Variants in COLEC11 observed in about 807,000 individuals in gnomAD.
The protein encoded by COLEC11 is collectin-11.
COLEC11 carries 20 observed loss-of-function variants against 27.3 expected under a neutral mutation model. That is an observed-to-expected ratio of 0.73 (90% CI 0.51 to 1.06). The LOEUF (loss-of-function observed/expected upper bound fraction) is 1.06. Among genes scored for constraint, COLEC11 ranks in the 50% least tolerant of loss-of-function variants. The pLI, the probability that COLEC11 is intolerant of heterozygous loss-of-function variation, is 0.00. For missense variants in COLEC11, 310 were observed against 383.0 expected (o/e 0.81, Z 1.59); for synonymous variants, 163 against 154.7 (o/e 1.05, Z -0.40).
intron 1 of COLEC11, among the ~76,000 whole-genome samples, chr2:3,603,166 T>C (rs1662362127): frequency 2.0e-5 from 3 of 152,180 alleles, no homozygotes; most frequent in Non-Finnish European, 4.4e-5. Context: ...CACGGCTCTT[T>C]ATCAGCTGTG....
At chr2:3,600,371 A>G (rs936207318) in intron 1 of COLEC11, among the ~76,000 whole-genome samples, 12 of 152,232 alleles carry the variant, frequency 7.9e-5, no homozygotes, top group African/African-American at 2.2e-4. Context: ...CCTGGGCAAC[A>G]TGGTGAGAAC....
chr2:3,601,222 C>T (rs1019670710), intron 1 of COLEC11, among the ~76,000 whole-genome samples: 31 of 152,304 alleles, frequency 2.0e-4, no homozygotes, highest in Admixed American at 1.6e-3. Flanking sequence ...GGGTGGTGTG[C>T]GGACCATGTA....
chr2:3,643,501 T>C lies in COLEC11; in HGVS notation c.386T>C (p.Val129Ala). ...GCCATCGGGGAGATGGACAACCAGGTCTCTCAGCTGACCAGCGAGCTCAAG... is the reference window on the plus strand; with the variant it reads ...GCCATCGGGGAGATGGACAACCAGGCCTCTCAGCTGACCAGCGAGCTCAAG... ...RKAIGEMDNQ[V>A]SQLTSELKFI... Residue 129 changes from valine to alanine, a missense_variant, in exon 6 of 7, where the codon GTC becomes GCC. Physicochemically the swap from Val to Ala is moderately conservative, Grantham distance 64. Transcript: ENST00000349077. 6.2e-7 allele frequency: 1 copy of C among 1,613,706 alleles called. No individual in the cohort carries two copies. The highest frequency in any genetic ancestry group is 1.1e-5 in the South Asian group (1 of 91,074).
Position 3,643,747 on chromosome 2 carries a change from A to G in COLEC11, c.445A>G (p.Thr149Ala). Residue 149 changes from threonine to alanine, a missense_variant, in exon 7 of 7, where the codon ACG becomes GCG. Physicochemically the swap from Thr to Ala is moderately conservative, Grantham distance 58. Transcript: ENST00000349077. ...CACAGCTGTCGCCGGTGTGCGCGAG[A>G]CGGAGAGCAAGATCTACCTGCTGGT... ...IKNAVAGVRE[T>A]ESKIYLLVKE... The G allele has an allele frequency of 6.2e-7, 1 of 1,613,618 alleles. No individual in the cohort carries two copies. Among genetic ancestry groups the G allele is most frequent in the Non-Finnish European group, 8.5e-7 (1 of 1,179,934 alleles).
chr2:3,622,085 C>A (rs1415798215), intron 3 of COLEC11, among the ~76,000 whole-genome samples: 3 of 151,370 alleles, frequency 2.0e-5, no homozygotes, highest in Admixed American at 2.0e-4. Context: ...AGGAGAATCG[C>A]TTGAACCCGG....
chr2:3,631,810 C>T (rs1473936530), intron 3 of COLEC11, among the ~76,000 whole-genome samples: 1 of 152,184 alleles, frequency 6.6e-6, no homozygotes, highest in African/African-American at 2.4e-5. Flanking sequence ...TCTCTGTCTC[C>T]TGCCTCCTGG....
chr2:3,639,284 G>A (rs895532299), intron 4 of COLEC11, among the ~76,000 whole-genome samples: 3 of 152,252 alleles, frequency 2.0e-5, no homozygotes, highest in African/African-American at 4.8e-5. Context: ...ACATGGGGAT[G>A]TGTATACTTT....
At chr2:3,628,379 A>G (rs1664717445) in intron 3 of COLEC11, among the ~76,000 whole-genome samples, 1 of 152,188 alleles carries the variant, frequency 6.6e-6, no homozygotes, top group South Asian at 2.1e-4. Context: ...AGGGGCTCTC[A>G]TTTAAATGCA....
chr2:3,630,361 A>G lies in COLEC11; in HGVS notation c.203-7172A>G, dbSNP rs148450056. On this transcript the variant is annotated intron_variant, in intron 3 of 6. Transcript: ENST00000349077. ...AGTGGAATTAAAAAATAAAAATACA[A>G]ATATAAACTTTATTTCTCAATATAA... 7.2e-3 allele frequency among the ~76,000 whole-genome samples: 1,097 copies of G among 152,322 alleles called. 10 individuals are homozygous for G. Among genetic ancestry groups the G allele is most frequent in the Middle Eastern group, 0.051 (15 of 294 alleles).
chr2:3,596,465 T>G (rs1314408729), intron 1 of COLEC11, among the ~76,000 whole-genome samples: 1 of 151,630 alleles, frequency 6.6e-6, no homozygotes. Context: ...GCTTCCTGAG[T>G]AGCTGGGATT....
intron 3 of COLEC11, among the ~76,000 whole-genome samples, chr2:3,630,541 T>C (rs540515642): frequency 2.8e-4 from 42 of 152,286 alleles, no homozygotes; most frequent in South Asian, 2.3e-3. Context: ...CCTTTACAGA[T>C]TTTTTAAGAT....
chr2:3,605,101 CCAGCTTCTACAAAG>C, intron 2 of COLEC11: 1 of 470,830 alleles, frequency 2.1e-6, no homozygotes, highest in Non-Finnish European at 4.4e-6. Context: ...AAGAAAATGA[CCAGCTTCTACAAAG>C]CAGAGGCAAC....
In COLEC11 at chr2:3,630,813, G is replaced by A. The variant is rs189284506; in HGVS notation, c.203-6720G>A. On this transcript the variant is annotated intron_variant, in intron 3 of 6. Transcript: ENST00000349077. Reference sequence around the variant, plus strand: ...AACAAGCAAAATGCCTTGAGCATCCGAAAAGCCTGTTGCCGTGACCTTCAC... The same window carrying A: ...AACAAGCAAAATGCCTTGAGCATCCAAAAAGCCTGTTGCCGTGACCTTCAC... 1.4e-3 allele frequency among the ~76,000 whole-genome samples: 212 copies of A among 152,280 alleles called. 5 individuals are homozygous for A. The highest frequency in any genetic ancestry group is 0.012 in the Admixed American group (186 of 15,296).
chr2:3,630,362 A>C (rs1664909828), intron 3 of COLEC11, among the ~76,000 whole-genome samples: 1 of 152,254 alleles, frequency 6.6e-6, no homozygotes, highest in South Asian at 2.1e-4. Flanking sequence ...AAAAATACAA[A>C]TATAAACTTT....
intron 3 of COLEC11, among the ~76,000 whole-genome samples, chr2:3,633,789 C>G (rs2147943968): frequency 6.6e-6 from 1 of 152,050 alleles, no homozygotes; most frequent in East Asian, 1.9e-4. Flanking sequence ...GAGGAAGATG[C>G]GTGTTCCCGA....
chr2:3,639,415 T>C (rs1281430998), intron 4 of COLEC11, among the ~76,000 whole-genome samples: 2 of 152,188 alleles, frequency 1.3e-5, no homozygotes, highest in Admixed American at 1.3e-4. Flanking sequence ...CATCCTGGGT[T>C]CTGGTCAAGC....
In COLEC11 at chr2:3,643,475, G is replaced by A. The variant is rs34351135; in HGVS notation, c.360G>A (p.Lys120=). 8,666 of 1,613,848 alleles carry A rather than the reference G, an allele frequency of 5.4e-3. 364 individuals are homozygous for A. The African/African-American group carries it at 0.095, about 18-fold the overall frequency. Residue 120 remains lysine, a synonymous_variant, in exon 6 of 7, where the codon AAG becomes AAA. Transcript: ENST00000349077. ...GLPCECSQLR[K]AIGEMDNQVS... is the part of the protein sequence containing the mutation. ...CATGTGAGTGCAGCCAGCTGCGCAA[G>A]GCCATCGGGGAGATGGACAACCAGG...
At chr2:3,613,082 C>T (rs1663354275) in intron 2 of COLEC11, among the ~76,000 whole-genome samples, 1 of 152,134 alleles carries the variant, frequency 6.6e-6, no homozygotes, top group Non-Finnish European at 1.5e-5. Context: ...AAACACAGGC[C>T]CTTTCTAAGA....
At chr2:3,632,404 A>C (rs1665082560) in intron 3 of COLEC11, among the ~76,000 whole-genome samples, 2 of 152,282 alleles carry the variant, frequency 1.3e-5, no homozygotes, top group East Asian at 3.9e-4. Context: ...GGAGGCTGGA[A>C]GTCAGGGATC....
Sources: gnomAD v4.1 joint callset for allele counts (sites outside exome capture counted in the v4.1 genomes callset) on GRCh38, gnomAD v4.1.1 for gene constraint, MANE v1.5 for transcripts, NCBI Gene and HGNC (gene_info 2026-07-23, HGNC 2026-07-21) for gene names.